ARHGAP44: variants seen among roughly 807,000 people sequenced by gnomAD.
The protein encoded by ARHGAP44 is rho GTPase-activating protein 44.
A neutral mutation model predicts 106.8 loss-of-function variants in ARHGAP44; 43 were observed. That is an observed-to-expected ratio of 0.40 (90% CI 0.32 to 0.52). The LOEUF (loss-of-function observed/expected upper bound fraction) is 0.52. Among genes scored for constraint, ARHGAP44 ranks in the 20% least tolerant of loss-of-function variants. The pLI is 0.48. For synonymous variants in ARHGAP44, 439 were observed against 410.3 expected (o/e 1.07, Z -0.85); for missense variants, 866 against 1,050.5 (o/e 0.82, Z 2.43).
At chr17:12,974,689 C>T (rs1018903948) in intron 18 of ARHGAP44, among the ~76,000 whole-genome samples, 2 of 152,118 alleles carry the variant, frequency 1.3e-5, no homozygotes, top group African/African-American at 4.8e-5. Context: ...AGCTGATAGT[C>T]CCAAGCCCTA....
chr17:12,954,483 C>A (rs958209379), intron 13 of ARHGAP44, among the ~76,000 whole-genome samples: 1 of 152,218 alleles, frequency 6.6e-6, no homozygotes, highest in Admixed American at 6.5e-5. Flanking sequence ...CTGGTCCAGA[C>A]CTGTGTGGCC....
intron 9 of ARHGAP44, 142 bp downstream of exon 9, chr17:12,943,811 A>G: frequency 9.7e-7 from 1 of 1,031,858 alleles, no homozygotes; most frequent in Non-Finnish European, 1.4e-6. Context: ...ACTTACTTCC[A>G]AACTGGTGCC....
At chr17:12,878,875 A>ATTTAAGCAGAATTTGTTTCTAG (rs2036634641) in intron 1 of ARHGAP44, among the ~76,000 whole-genome samples, 1 of 152,244 alleles carries the variant, frequency 6.6e-6, no homozygotes, top group Non-Finnish European at 1.5e-5. Context: ...TTAAGAACAA[A>ATTTAAGCAGAATTTGTTTCTAG]TTTAAGCAGA....
intron 1 of ARHGAP44, among the ~76,000 whole-genome samples, chr17:12,830,409 G>A (rs1309199229): frequency 1.3e-5 from 2 of 152,092 alleles, no homozygotes; most frequent in African/African-American, 4.8e-5. Flanking sequence ...GTAAGATGTG[G>A]CTGGGAGGAG....
At chr17:12,826,894 A>G (rs1370881003) in intron 1 of ARHGAP44, among the ~76,000 whole-genome samples, 5 of 152,050 alleles carry the variant, frequency 3.3e-5, no homozygotes, top group African/African-American at 7.2e-5. Context: ...GTAGCCAGCA[A>G]CCTCAGATGA....
At chr17:12,943,824 G>A (rs1043604658) in intron 9 of ARHGAP44, among the ~76,000 whole-genome samples, 155 bp downstream of exon 9, 19 of 152,136 alleles carry the variant, frequency 1.2e-4, no homozygotes, top group African/African-American at 4.6e-4. Context: ...CTGGTGCCTT[G>A]AGTCGGGGGT....
At chr17:12,866,268 A>G (rs2036236734) in intron 1 of ARHGAP44, among the ~76,000 whole-genome samples, 1 of 152,200 alleles carries the variant, frequency 6.6e-6, no homozygotes, top group Non-Finnish European at 1.5e-5. Flanking sequence ...GCCCTACAAC[A>G]GGGAGGTAGC....
chr17:12,989,875 T>TC (rs1409937316), intron 20 of ARHGAP44, among the ~76,000 whole-genome samples, 157 bp from the exon 21 acceptor site: 1 of 152,178 alleles, frequency 6.6e-6, no homozygotes, highest in East Asian at 1.9e-4. Flanking sequence ...CACAACCTGA[T>TC]CGACTGTGCA....
In ARHGAP44 at chr17:12,813,884, A is replaced by G. The variant is rs1163711323; in HGVS notation, c.53+23993A>G. ...GGCTCACGGTGAGTACCAGTGTGGA[A>G]CTGGGACACACGTAGTCCAACTGTC... On this transcript the variant is annotated intron_variant, in intron 1 of 20. Coordinates refer to ENST00000379672, the MANE Select transcript of ARHGAP44 (RefSeq NM_014859.6). Among the ~76,000 whole-genome samples, 4 of 152,144 alleles carry G rather than the reference A, an allele frequency of 2.6e-5. No homozygotes were observed. In the East Asian group the frequency reaches 7.7e-4, roughly 29 times the overall value.
Position 12,956,685 on chromosome 17 carries a change from G to C in ARHGAP44, c.1281G>C (p.Ser427=). 6.2e-7 allele frequency: 1 copy of C among 1,614,136 alleles called. No individual in the cohort carries two copies. Among genetic ancestry groups the C allele is most frequent in the Non-Finnish European group, 8.5e-7 (1 of 1,180,018 alleles). ...TTACAGAGATGATGACCACAGTGTCGCTGCAAATTGTTGGGATCATTGAAC... is the reference window on the plus strand; with the variant it reads ...TTACAGAGATGATGACCACAGTGTCCCTGCAAATTGTTGGGATCATTGAAC... The part of the protein sequence containing the change: ...GNITEMMTTV[S]LQIVGIIEPI... The change falls in exon 15 of 21, where the codon TCG becomes TCC. Residue 427 remains serine, a synonymous_variant. Transcript: ENST00000379672.
chr17:12,978,035 T>TAAAAAAAAAAA lies in ARHGAP44; in HGVS notation c.1764-2023_1764-2022insAAAAAAAAAAA, dbSNP rs757585682. Among the ~76,000 whole-genome samples the TAAAAAAAAAAA allele has an allele frequency of 1.3e-3, 74 of 55,490 alleles. 9 individuals are homozygous for TAAAAAAAAAAA. Among genetic ancestry groups the TAAAAAAAAAAA allele is most frequent in the Middle Eastern group, 0.011 (1 of 94 alleles). The allele number at this position is 55,490 out of a possible 152,430, so 36.4% of individuals were successfully genotyped here. A position where few individuals can be genotyped will look rare whatever the true frequency, so the allele number is the denominator to read the frequency against. ...CTGGGCAACAGAGCAAGACTCCATCTCAAAAAAAAAAAAAAAAAAAAGTGT... is the reference window on the plus strand; with the variant it reads ...CTGGGCAACAGAGCAAGACTCCATCTAAAAAAAAAAACAAAAAAAAAAAAAAAAAAAAGTGT... On this transcript the variant is annotated intron_variant, in intron 18 of 20. Coordinates refer to ENST00000379672, the MANE Select transcript of ARHGAP44 (RefSeq NM_014859.6).
chr17:12,834,090 T>C (rs2035167217), intron 1 of ARHGAP44, among the ~76,000 whole-genome samples: 1 of 152,116 alleles, frequency 6.6e-6, no homozygotes, highest in African/African-American at 2.4e-5. Context: ...TGGAATGCCC[T>C]TGGCCAAGAG....
intron 7 of ARHGAP44, among the ~76,000 whole-genome samples, chr17:12,933,725 C>T (rs1444458299): frequency 2.0e-5 from 3 of 152,218 alleles, no homozygotes; most frequent in Admixed American, 2.0e-4. Flanking sequence ...TTGGCAACAG[C>T]AGTATCAGTT....
intron 18 of ARHGAP44, among the ~76,000 whole-genome samples, chr17:12,978,373 C>CT (rs34160283): frequency 0.43 from 65,265 of 152,092 alleles, 14,580 homozygotes; most frequent in East Asian, 0.84. Flanking sequence ...AATTACTGCT[C>CT]TTTTGGTTCC....
At chr17:12,812,028 C>G (rs763564485) in intron 1 of ARHGAP44, among the ~76,000 whole-genome samples, 1 of 152,128 alleles carries the variant, frequency 6.6e-6, no homozygotes, top group South Asian at 2.1e-4. Context: ...ACAATTGAAC[C>G]CACAGGGCCC....
chr17:12,972,651 A>G (rs1401978596), intron 16 of ARHGAP44, among the ~76,000 whole-genome samples: 1 of 108,710 alleles, frequency 9.2e-6, no homozygotes, highest in Non-Finnish European at 1.8e-5. Flanking sequence ...TCTGTCTCAA[A>G]TAAATAAATA....
chr17:12,883,795 A>G (rs1278177372), intron 1 of ARHGAP44, among the ~76,000 whole-genome samples: 1 of 152,176 alleles, frequency 6.6e-6, no homozygotes, highest in Non-Finnish European at 1.5e-5. Context: ...TATTGTGTGC[A>G]TAAATCAATC....
intron 1 of ARHGAP44, among the ~76,000 whole-genome samples, chr17:12,803,718 C>T (rs1234302860): frequency 1.3e-5 from 2 of 152,158 alleles, no homozygotes; most frequent in African/African-American, 4.8e-5. Context: ...TTAGCCTCTT[C>T]TTCCTCTGAC....
Position 12,919,840 on chromosome 17 carries a change from TCTTTA to T in ARHGAP44, c.464+14_464+18del. On this transcript the variant is annotated intron_variant, in intron 6 of 20. Transcript: ENST00000379672. ...GATTCCTCACGAACCAGGTAGAATC[TCTTTA>T]CTTTCTTTTTTGCTTCTTTGAAGGG... The T allele has an allele frequency of 6.2e-7, 1 of 1,607,504 alleles. No homozygotes were observed. Among genetic ancestry groups the T allele is most frequent in the Admixed American group, 1.7e-5 (1 of 59,012 alleles).
Sources: gnomAD v4.1 joint callset for allele counts (sites outside exome capture counted in the v4.1 genomes callset) on GRCh38, gnomAD v4.1.1 for gene constraint, MANE v1.5 for transcripts, NCBI Gene and HGNC (gene_info 2026-07-23, HGNC 2026-07-21) for gene names.